Variants in ISL1 observed in about 807,000 individuals in gnomAD.
ISL1 encodes insulin gene enhancer protein ISL-1.
A neutral mutation model predicts 35.3 loss-of-function variants in ISL1; 4 were observed. The ratio of observed to expected loss-of-function variants is 0.11; its 90% CI spans 0.06 to 0.26. The LOEUF (loss-of-function observed/expected upper bound fraction) is 0.26, where lower values mean the gene tolerates loss of function less well. Among genes scored for constraint, ISL1 ranks in the 10% least tolerant of loss-of-function variants. The probability of loss-of-function intolerance (pLI) is 1.00; values close to 1 mark genes in which losing one functional copy is unlikely to be tolerated. For synonymous variants in ISL1, 186 were observed against 172.3 expected, an observed-to-expected ratio of 1.08 and a Z score of -0.62; for missense variants, 340 against 472.8, an observed-to-expected ratio of 0.72 and a Z score of 2.60.
chr5:51,391,620 C>A, intron 5 of ISL1, 179 bp downstream of exon 5: 2 of 651,746 alleles, frequency 3.1e-6, no homozygotes, highest in Non-Finnish European at 2.7e-6. Context: ...AACCTCTTGG[C>A]ATCTTTTTTT....
At position 51,390,642 on chromosome 5, in the gene ISL1, C is replaced by CTTTTTTTTTTTTTTTT. The variant is rs57707586; in HGVS notation, c.766-609_766-594dup. Among the ~76,000 whole-genome samples the CTTTTTTTTTTTTTTTT allele has an allele frequency of 2.3e-3, 94 of 40,126 alleles. 5 individuals are homozygous for CTTTTTTTTTTTTTTTT. The highest frequency in any genetic ancestry group is 4.9e-3 in the East Asian group (6 of 1,228). 26.3% of individuals were successfully genotyped at this position (40,126 alleles called of 152,430 possible). A position where few individuals can be genotyped will look rare whatever the true frequency, so the allele number is the denominator to read the frequency against. On this transcript the variant is annotated intron_variant, in intron 4 of 5. Transcript: ENST00000230658. Reference sequence around the variant, plus strand: ...TCCTTTTTTTCTTTTCTTTCTTTTTCTTTTTTTTTTTTTTTTTTTTTTTTT... The same window carrying CTTTTTTTTTTTTTTTT: ...TCCTTTTTTTCTTTTCTTTCTTTTTCTTTTTTTTTTTTTTTTTTTTTTTTTTTTTTTTTTTTTTTTT...
At chr5:51,388,173 G>A (rs1313723522) in intron 3 of ISL1, among the ~76,000 whole-genome samples, 1 of 152,252 alleles carries the variant, frequency 6.6e-6, no homozygotes, top group Non-Finnish European at 1.5e-5. Flanking sequence ...CCCAATGAAG[G>A]AAGCTTAGGT....
chr5:51,389,779 G>A lies in ISL1; in HGVS notation c.612G>A (p.Pro204=), dbSNP rs1170965091. The A allele has an allele frequency of 4.3e-6, 7 of 1,614,204 alleles. No individual in the cohort carries two copies. The highest frequency in any genetic ancestry group is 1.7e-5 in the Admixed American group (1 of 60,030). Residue 204 remains proline (P), a synonymous_variant, in exon 4 of 6, where the codon CCG becomes CCA. Coordinates refer to ENST00000230658, the MANE Select transcript of ISL1 (RefSeq NM_002202.3). This position sits in a 1 kb window ranked among gnomAD's most constrained non-coding sequence, Gnocchi z 5.0. ...TGCGGACCTGCTACGCCGCAAACCC[G>A]CGGCCAGATGCGCTCATGAAGGAGC... is the stretch of plus-strand genomic sequence containing the variant. The part of the protein sequence containing the change: ...HTLRTCYAAN[P]RPDALMKEQL...
intron 5 of ISL1, 181 bp downstream of exon 5, chr5:51,391,622 T>TA: frequency 3.1e-6 from 2 of 652,488 alleles, no homozygotes; most frequent in East Asian, 2.8e-5. Context: ...CCTCTTGGCA[T>TA]CTTTTTTTTT....
In ISL1 at chr5:51,390,982, G is replaced by A. The variant is rs541202066; in HGVS notation, c.766-292G>A. ...AGCTATGGTCTGAGAAGGCAGAGGG[G>A]AGGAATTGGGCTGAGCTGTGAAGGT... On this transcript the variant is annotated intron_variant, in intron 4 of 5. Coordinates refer to ENST00000230658, the MANE Select transcript of ISL1 (RefSeq NM_002202.3). Among the ~76,000 whole-genome samples the A allele has an allele frequency of 2.2e-3, 336 of 152,100 alleles. 1 individual carries two copies. Among genetic ancestry groups the A allele is most frequent in the African/African-American group, 7.9e-3 (327 of 41,496 alleles).
Position 51,387,385 on chromosome 5 carries a change from T to C in ISL1, c.219-105T>C, listed in dbSNP as rs1747369405. ...GGAAATGCTGTTTACTTGGGGCGTC[T>C]TGCCCGGGATCTTGGGCCAGGGAAG... is the stretch of plus-strand genomic sequence containing the variant. On this transcript the variant is annotated intron_variant, in intron 2 of 5. Coordinates refer to ENST00000230658, the MANE Select transcript of ISL1 (RefSeq NM_002202.3). The surrounding 1 kb of genome is among the most constrained non-coding windows in gnomAD (Gnocchi z 4.3). 13 of 1,290,206 alleles carry C rather than the reference T, an allele frequency of 1.0e-5. 1 individual carries two copies. In the South Asian group the frequency reaches 1.6e-4, roughly 16 times the overall value. The allele number at this position is 1,290,206 out of a possible 1,614,324, so 79.9% of individuals were successfully genotyped here. A position where few individuals can be genotyped will look rare whatever the true frequency, so the allele number is the denominator to read the frequency against.
In ISL1 at chr5:51,389,752, C is replaced by A. The variant is rs1228667059; in HGVS notation, c.585C>A (p.Thr195=). ...RTVLNEKQLH[T]LRTCYAANPR... Reference sequence around the variant, plus strand: ...TGCTGAACGAGAAGCAGCTGCACACCTTGCGGACCTGCTACGCCGCAAACC... The same window carrying A: ...TGCTGAACGAGAAGCAGCTGCACACATTGCGGACCTGCTACGCCGCAAACC... The change falls in exon 4 of 6, where the codon ACC becomes ACA. Residue 195 remains threonine, a synonymous_variant. Transcript: ENST00000230658. The surrounding 1 kb of genome is among the most constrained non-coding windows in gnomAD (Gnocchi z 5.0). 5 of 1,614,190 alleles carry A rather than the reference C, an allele frequency of 3.1e-6. No individual in the cohort carries two copies. Among genetic ancestry groups the A allele is most frequent in the Non-Finnish European group, 3.4e-6 (4 of 1,180,050 alleles).
intron 5 of ISL1, among the ~76,000 whole-genome samples, chr5:51,392,394 G>T (rs1391069681): frequency 2.0e-5 from 3 of 151,266 alleles, no homozygotes; most frequent in African/African-American, 7.3e-5. Flanking sequence ...TCCCTTTTTT[G>T]GAAATGAAGC....
chr5:51,390,407 G>A (rs1015746076), intron 4 of ISL1, among the ~76,000 whole-genome samples: 9 of 152,188 alleles, frequency 5.9e-5, no homozygotes, highest in Middle Eastern at 3.4e-3. Flanking sequence ...AGGGCGCACC[G>A]CACTTCTAAG....
intron 2 of ISL1, among the ~76,000 whole-genome samples, chr5:51,385,364 T>C: frequency 6.6e-6 from 1 of 152,334 alleles, no homozygotes; most frequent in East Asian, 1.9e-4. Context: ...GACATCTAAC[T>C]GTCTCTTCTT....
chr5:51,384,463 A>G (rs1202359796), intron 1 of ISL1, 78 bp from the exon 2 acceptor site: 42 of 1,365,840 alleles, frequency 3.1e-5, no homozygotes, highest in Non-Finnish European at 4.4e-5. Context: ...TACGCCCTAT[A>G]AGAGAACGAC....
intron 1 of ISL1, 66 bp downstream of exon 1, chr5:51,383,765 C>G: frequency 2.9e-6 from 4 of 1,370,142 alleles, no homozygotes; most frequent in South Asian, 1.2e-5. Flanking sequence ...CTCTCAGGCA[C>G]AGGCTGAGGT....
Position 51,389,760 on chromosome 5 carries a change from C to T in ISL1, c.593C>T (p.Thr198Ile). Reference sequence around the variant, plus strand: ...GAGAAGCAGCTGCACACCTTGCGGACCTGCTACGCCGCAAACCCGCGGCCA... The same window carrying T: ...GAGAAGCAGCTGCACACCTTGCGGATCTGCTACGCCGCAAACCCGCGGCCA... ...LNEKQLHTLR[T>I]CYAANPRPDA... The change falls in exon 4 of 6, where the codon ACC (threonine) becomes ATC (isoleucine). Residue 198 changes from threonine to isoleucine, a missense_variant. Around this residue, in one of 7 missense-constraint regions of ISL1, gnomAD observed 24 missense variants for 59.7 expected, o/e 0.40. Coordinates refer to ENST00000230658, the MANE Select transcript of ISL1 (RefSeq NM_002202.3). This position sits in a 1 kb window ranked among gnomAD's most constrained non-coding sequence, Gnocchi z 5.0. The T allele has an allele frequency of 7.4e-6, 12 of 1,614,206 alleles. No homozygotes were observed. The highest frequency in any genetic ancestry group is 1.0e-5 in the Non-Finnish European group (12 of 1,180,042).
Position 51,387,419 on chromosome 5 carries a change from T to G in ISL1, c.219-71T>G. The G allele has an allele frequency of 1.3e-6, 2 of 1,552,546 alleles. No individual in the cohort carries two copies. The highest frequency in any genetic ancestry group is 2.3e-5 in the South Asian group (2 of 86,808). On this transcript the variant is annotated intron_variant, in intron 2 of 5. Transcript: ENST00000230658. This position sits in a 1 kb window ranked among gnomAD's most constrained non-coding sequence, Gnocchi z 4.3. ...ATCTTGGGCCAGGGAAGTGCCGGCC[T>G]GAAGTGACCCCCTCTTCCTGTACTT...
At chr5:51,392,365 A>T (rs967089375) in intron 5 of ISL1, among the ~76,000 whole-genome samples, 2 of 152,178 alleles carry the variant, frequency 1.3e-5, no homozygotes, top group Admixed American at 6.5e-5. Flanking sequence ...AAATGTAAAG[A>T]TCTATCCTGA....
rs182071569 is a variant in ISL1, at chr5:51,391,253, G to T, written c.766-21G>T. The T allele has an allele frequency of 1.2e-3, 1,998 of 1,611,478 alleles. 3 individuals are homozygous for T. The highest frequency in any genetic ancestry group is 1.3e-3 in the Non-Finnish European group (1,537 of 1,179,400). ...ATTTGCTCATTAACATGTTGGGATT[G>T]GTTGGGGGGCCTATTCACAGAATAT... On this transcript the variant is annotated intron_variant, in intron 4 of 5. Transcript: ENST00000230658.
At chr5:51,386,507 T>C in intron 2 of ISL1, 2 of 447,836 alleles carry the variant, frequency 4.5e-6, no homozygotes, top group South Asian at 3.2e-5. Flanking sequence ...TATGTGGATC[T>C]TTTCCTCTCT....
chr5:51,390,642 C>G (rs34584880), intron 4 of ISL1, among the ~76,000 whole-genome samples: 2,830 of 39,692 alleles, frequency 0.071, 186 homozygotes, highest in South Asian at 0.089. Flanking sequence ...CTTTCTTTTT[C>G]TTTTTTTTTT....
At chr5:51,391,211 G>T in intron 4 of ISL1, 63 bp from the exon 5 acceptor site, 1 of 1,568,410 alleles carries the variant, frequency 6.4e-7, no homozygotes, top group South Asian at 1.1e-5. Flanking sequence ...AGCCTGTGCA[G>T]ACAACGGAGG....
Sources: gnomAD v4.1 joint callset for allele counts (sites outside exome capture counted in the v4.1 genomes callset) on GRCh38, gnomAD v4.1.1 for gene constraint, gnomAD v4.1.1 regional missense constraint, Gnocchi (gnomAD v3.1) non-coding constraint, MANE v1.5 for transcripts, NCBI Gene and HGNC (gene_info 2026-07-23, HGNC 2026-07-21) for gene names.